The following PRKG1 variants were observed in gnomAD, a reference collection of about 807,000 sequenced individuals.
The protein encoded by PRKG1 is cGMP-dependent protein kinase 1.
Under a neutral mutation model 88.1 loss-of-function variants are expected in PRKG1, and 35 were observed. That is an observed-to-expected ratio of 0.40 (90% CI 0.30 to 0.53). The LOEUF (loss-of-function observed/expected upper bound fraction) is 0.53. PRKG1 is among the 20% of genes least tolerant of loss of function. PRKG1 has a pLI of 0.59. For missense variants in PRKG1, 540 were observed against 839.8 expected (o/e 0.64, Z 4.41); for synonymous variants, 303 against 292.5 (o/e 1.04, Z -0.37).
At chr10:51,340,246 C>A (rs1413913703) in intron 2 of PRKG1, among the ~76,000 whole-genome samples, 1 of 152,092 alleles carries the variant, frequency 6.6e-6, no homozygotes, top group Non-Finnish European at 1.5e-5. Context: ...CTGATATTTT[C>A]CATTGATAGC....
At chr10:51,564,155 A>G (rs1837539441) in intron 3 of PRKG1, among the ~76,000 whole-genome samples, 1 of 152,090 alleles carries the variant, frequency 6.6e-6, no homozygotes, top group African/African-American at 2.4e-5. Context: ...TTGCATACCT[A>G]CTACGTGCTG....
chr10:51,083,514 G>GTT (rs11419106), intron 1 of PRKG1, among the ~76,000 whole-genome samples: 49,853 of 145,856 alleles, frequency 0.34, 10,647 homozygotes, highest in African/African-American at 0.61. Flanking sequence ...GCCAGCTACA[G>GTT]TTTTTTTTTT....
At chr10:51,224,536 G>T (rs1249744104) in intron 2 of PRKG1, among the ~76,000 whole-genome samples, 1 of 152,120 alleles carries the variant, frequency 6.6e-6, no homozygotes, top group Non-Finnish European at 1.5e-5. Flanking sequence ...TTTATATCCT[G>T]TTGTAACTGA....
chr10:51,305,736 A>T (rs1180644696), intron 2 of PRKG1, among the ~76,000 whole-genome samples: 1 of 152,172 alleles, frequency 6.6e-6, no homozygotes, highest in African/African-American at 2.4e-5. Flanking sequence ...AATTGTTTTG[A>T]CTGTTCAAAA....
In PRKG1 at chr10:52,120,586, G is replaced by T. The variant is rs142050757; in HGVS notation, c.936-13254G>T. On this transcript the variant is annotated intron_variant, in intron 7 of 17. Transcript: ENST00000373980. ...AAAGGGAAAAATAGGCAAGAAGAAA[G>T]GGGTAACTGATCCCAAGTAAGCCCA... 1.4e-3 allele frequency among the ~76,000 whole-genome samples: 212 copies of T among 152,254 alleles called. 1 individual carries two copies. The highest frequency in any genetic ancestry group is 4.9e-3 in the African/African-American group (204 of 41,540).
chr10:51,837,596 T>C (rs1281223467), intron 4 of PRKG1, among the ~76,000 whole-genome samples: 1 of 152,138 alleles, frequency 6.6e-6, no homozygotes, highest in East Asian at 1.9e-4. Flanking sequence ...GGCCCATTGA[T>C]TCTTCATCTA....
intron 1 of PRKG1, among the ~76,000 whole-genome samples, chr10:51,010,644 G>A (rs974435723): frequency 6.6e-6 from 1 of 152,198 alleles, no homozygotes; most frequent in African/African-American, 2.4e-5. Flanking sequence ...GGGCTACACA[G>A]TAAGTTGAAC....
At chr10:52,115,568 C>T (rs1847667478) in intron 7 of PRKG1, among the ~76,000 whole-genome samples, 1 of 152,114 alleles carries the variant, frequency 6.6e-6, no homozygotes, top group South Asian at 2.1e-4. Context: ...TCACCTCTTC[C>T]CATGGCTTTC....
At chr10:51,952,794 A>G (rs1843216213) in intron 5 of PRKG1, among the ~76,000 whole-genome samples, 4 of 152,154 alleles carry the variant, frequency 2.6e-5, no homozygotes, top group Non-Finnish European at 1.5e-5. Context: ...CATTTGCTTC[A>G]TCTGTAAAAT....
At position 51,330,745 on chromosome 10, in the gene PRKG1, T is replaced by C. The variant is rs76910633; in HGVS notation, c.479-136978T>C. ...ATTTCTTCATTTGGTGAATTGTTTC[T>C]TTATATTTTCTTGGAGTTTGCTGAG... is the stretch of plus-strand genomic sequence containing the variant. On this transcript the variant is annotated intron_variant, in intron 2 of 17. Coordinates refer to ENST00000373980, the MANE Select transcript of PRKG1 (RefSeq NM_006258.4). 1.2e-4 allele frequency among the ~76,000 whole-genome samples: 19 copies of C among 152,362 alleles called. No individual in the cohort carries two copies. In the East Asian group the frequency reaches 3.7e-3, roughly 29 times the overall value.
intron 3 of PRKG1, among the ~76,000 whole-genome samples, chr10:51,515,637 A>T (rs960175484): frequency 1.3e-5 from 2 of 152,098 alleles, no homozygotes; most frequent in Non-Finnish European, 2.9e-5. Context: ...TTGAATTTTA[A>T]TATTGCCATT....
At chr10:51,351,329 G>T (rs551516132) in intron 2 of PRKG1, among the ~76,000 whole-genome samples, 72 of 152,194 alleles carry the variant, frequency 4.7e-4, no homozygotes, top group African/African-American at 1.5e-3. Flanking sequence ...TTGAGGAATC[G>T]CCACACTGTC....
At chr10:51,823,716 G>C (rs2132733788) in intron 4 of PRKG1, among the ~76,000 whole-genome samples, 1 of 151,980 alleles carries the variant, frequency 6.6e-6, no homozygotes, top group East Asian at 1.9e-4. Context: ...ATTCTGTCTT[G>C]AAAGAGGGCA....
At chr10:51,334,642 C>T (rs988558329) in intron 2 of PRKG1, among the ~76,000 whole-genome samples, 1 of 152,046 alleles carries the variant, frequency 6.6e-6, no homozygotes, top group African/African-American at 2.4e-5. Flanking sequence ...TAAAAGTAAT[C>T]CGTTTCCAAG....
At chr10:51,765,223 G>A (rs1838127569) in intron 3 of PRKG1, among the ~76,000 whole-genome samples, 1 of 152,168 alleles carries the variant, frequency 6.6e-6, no homozygotes, top group African/African-American at 2.4e-5. Context: ...AAAAAAGAAT[G>A]CTGAGGGAAT....
chr10:52,133,976 C>G lies in PRKG1; in HGVS notation c.1001+71C>G, dbSNP rs1223397704. 4 of 1,210,052 alleles carry G rather than the reference C, an allele frequency of 3.3e-6. No homozygotes were observed. In the African/African-American group the frequency reaches 6.1e-5, roughly 18 times the overall value. 75.0% of individuals were successfully genotyped at this position (1,210,052 alleles called of 1,614,324 possible). On this transcript the variant is annotated intron_variant, in intron 8 of 17. Coordinates refer to ENST00000373980, the MANE Select transcript of PRKG1 (RefSeq NM_006258.4). ...ACACACATGAGTTCTTGGAATTAGA[C>G]ATCATTTTATGGAGCTATTAATACT...
At chr10:51,220,218 A>G (rs1277773013) in intron 2 of PRKG1, among the ~76,000 whole-genome samples, 2 of 152,234 alleles carry the variant, frequency 1.3e-5, no homozygotes, top group East Asian at 1.9e-4. Flanking sequence ...CCACAGTCCT[A>G]TAGCCACAAG....
intron 3 of PRKG1, among the ~76,000 whole-genome samples, chr10:51,740,550 T>G (rs1026258506): frequency 6.6e-6 from 1 of 152,244 alleles, no homozygotes; most frequent in Non-Finnish European, 1.5e-5. Context: ...AGCTGGATAC[T>G]CATATCTACT....
intron 5 of PRKG1, among the ~76,000 whole-genome samples, chr10:51,968,794 G>T (rs1420871217): frequency 3.0e-4 from 42 of 141,388 alleles, no homozygotes; most frequent in African/African-American, 1.1e-3. Context: ...CTGCACTCCA[G>T]CCTGAGCGAC....
Sources: gnomAD v4.1 joint callset for allele counts (sites outside exome capture counted in the v4.1 genomes callset) on GRCh38, gnomAD v4.1.1 for gene constraint, MANE v1.5 for transcripts, NCBI Gene and HGNC (gene_info 2026-07-23, HGNC 2026-07-21) for gene names.